The following NFAT5 variants were observed in gnomAD, a reference collection of about 807,000 sequenced individuals.
NFAT5 encodes nuclear factor of activated T cells 5.
A neutral mutation model predicts 166.5 loss-of-function variants in NFAT5; 31 were observed. That is an observed-to-expected ratio of 0.19 (90% CI 0.14 to 0.25). The LOEUF is 0.25. NFAT5 is among the 10% of genes least tolerant of loss of function. The pLI is 1.00. For synonymous variants in NFAT5, 612 were observed against 639.7 expected (o/e 0.96, Z 0.65); for missense variants, 1,449 against 1,821.8 (o/e 0.80, Z 3.72).
intron 10 of NFAT5, among the ~76,000 whole-genome samples, chr16:69,682,492 C>T (rs1411754398): frequency 6.6e-6 from 1 of 151,294 alleles, no homozygotes; most frequent in Non-Finnish European, 1.5e-5. Context: ...TGGTGGCATG[C>T]ACCTGTAGTC....
At chr16:69,570,245 T>C (rs2016351616) in intron 2 of NFAT5, among the ~76,000 whole-genome samples, 1 of 152,144 alleles carries the variant, frequency 6.6e-6, no homozygotes, top group African/African-American at 2.4e-5. Context: ...CATGTATAAG[T>C]ATCAATTCTG....
intron 7 of NFAT5, among the ~76,000 whole-genome samples, chr16:69,667,666 G>C (rs914310437): frequency 4.6e-5 from 7 of 152,126 alleles, no homozygotes; most frequent in African/African-American, 1.7e-4. Flanking sequence ...AATCAGTGAA[G>C]TGGAATTTCC....
intron 13 of NFAT5, among the ~76,000 whole-genome samples, chr16:69,694,793 CT>C (rs1321875852): frequency 1.3e-5 from 2 of 152,138 alleles, no homozygotes; most frequent in African/African-American, 4.8e-5. Flanking sequence ...CAGATAATAC[CT>C]TACCCAGTTG....
At chr16:69,649,384 A>G (rs1597468484) in intron 4 of NFAT5, 2 of 977,040 alleles carry the variant, frequency 2.0e-6, no homozygotes, top group East Asian at 2.3e-4. Flanking sequence ...AGTGATTTGC[A>G]GTTGCTAATT....
chr16:69,594,354 C>T (rs1309071632), intron 2 of NFAT5, among the ~76,000 whole-genome samples: 1 of 152,194 alleles, frequency 6.6e-6, no homozygotes, highest in Non-Finnish European at 1.5e-5. Flanking sequence ...GACGAGGTAA[C>T]ACGTGGCATG....
intron 2 of NFAT5, among the ~76,000 whole-genome samples, chr16:69,606,468 C>G (rs1246128913): frequency 2.6e-5 from 4 of 151,270 alleles, no homozygotes; most frequent in African/African-American, 9.7e-5. Context: ...TAAATGTTGG[C>G]AATTAATTTT....
intron 6 of NFAT5, among the ~76,000 whole-genome samples, chr16:69,658,557 C>T (rs2035990762): frequency 1.3e-5 from 2 of 151,740 alleles, no homozygotes; most frequent in Non-Finnish European, 2.9e-5. Context: ...TAACTTGTGG[C>T]CTGGCACAGT....
At chr16:69,685,085 C>A in intron 11 of NFAT5, 115 bp downstream of exon 11, 2 of 464,612 alleles carry the variant, frequency 4.3e-6, no homozygotes, top group Non-Finnish European at 7.7e-6. Context: ...AGGGTATCTT[C>A]ATATTGTAAA....
At chr16:69,633,924 A>G (rs1440325991) in intron 3 of NFAT5, among the ~76,000 whole-genome samples, 1 of 152,150 alleles carries the variant, frequency 6.6e-6, no homozygotes, top group Non-Finnish European at 1.5e-5. Context: ...GTATCAGAAC[A>G]TTATCTACCC....
At chr16:69,684,835 G>A in intron 10 of NFAT5, 52 bp from the exon 11 acceptor site, 1 of 1,192,934 alleles carries the variant, frequency 8.4e-7, no homozygotes, top group Non-Finnish European at 1.2e-6. Flanking sequence ...TAAGATACGA[G>A]GTTTTTAGGA....
chr16:69,602,648 A>G (rs909926219), intron 2 of NFAT5, among the ~76,000 whole-genome samples: 1 of 149,216 alleles, frequency 6.7e-6, no homozygotes, highest in African/African-American at 2.5e-5. Flanking sequence ...TTTCCAGCCT[A>G]GGCTGGAGTG....
intron 10 of NFAT5, among the ~76,000 whole-genome samples, chr16:69,683,836 C>T (rs1435259304): frequency 2.6e-5 from 4 of 151,770 alleles, no homozygotes; most frequent in Non-Finnish European, 5.9e-5. Context: ...CGGTGGCTCA[C>T]GCCTATAATC....
At chr16:69,661,175 C>T (rs567546884) in intron 7 of NFAT5, among the ~76,000 whole-genome samples, 2 of 149,770 alleles carry the variant, frequency 1.3e-5, no homozygotes, top group South Asian at 2.1e-4. Context: ...TGAGACCAGC[C>T]GAGGCTGGTC....
chr16:69,694,411 C>G lies in NFAT5; in HGVS notation c.4414+172C>G, dbSNP rs373500207. Among the ~76,000 whole-genome samples the G allele has an allele frequency of 1.6e-4, 25 of 152,284 alleles. No individual in the cohort carries two copies. The South Asian group carries it at 4.6e-3, about 28-fold the overall frequency. ...CTGGGATTACAGGTGTGCACAACCA[C>G]GCCCAGCTAATTTTTGTATTTTTGT... is the stretch of plus-strand genomic sequence containing the variant. On this transcript the variant is annotated intron_variant, in intron 13 of 14. Coordinates refer to ENST00000349945, the MANE Select transcript of NFAT5 (RefSeq NM_138713.4).
At position 69,693,159 on chromosome 16, in the gene NFAT5, C is replaced by T; in HGVS notation, c.3334C>T (p.His1112Tyr). ...CCAGGAAACTCAAGGTTCTCTCTTT[C>T]ATAGTCCAAATCCTATTGTCCACAG... ...LSQETQGSLFHSPNPIVHSQT... is the reference protein window; with the variant it reads ...LSQETQGSLFYSPNPIVHSQT... Residue 1112 changes from histidine (H) to tyrosine (Y), a missense_variant, in exon 13 of 15, where the codon CAT (histidine) becomes TAT (tyrosine). His to Tyr is a moderately conservative substitution (Grantham distance 83). Coordinates refer to ENST00000349945, the MANE Select transcript of NFAT5 (RefSeq NM_138713.4). The T allele has an allele frequency of 6.2e-7, 1 of 1,614,154 alleles. No individual in the cohort carries two copies. The highest frequency in any genetic ancestry group is 8.5e-7 in the Non-Finnish European group (1 of 1,180,016).
In NFAT5 at chr16:69,692,774, A is replaced by G; in HGVS notation, c.2949A>G (p.Glu983=). The G allele has an allele frequency of 6.2e-7, 1 of 1,614,200 alleles. No homozygotes were observed. Among genetic ancestry groups the G allele is most frequent in the Non-Finnish European group, 8.5e-7 (1 of 1,180,042 alleles). Residue 983 remains glutamate (E), a synonymous_variant, in exon 13 of 15, where the codon GAA becomes GAG. Coordinates refer to ENST00000349945, the MANE Select transcript of NFAT5 (RefSeq NM_138713.4). The part of the protein sequence containing the change: ...FSSPPAVSGN[E]TSTTTTQQVA... ...CTCCTCCTGCAGTTTCTGGAAATGA[A>G]ACTTCTACAACTACCACACAGCAGG...
chr16:69,575,463 T>G (rs1453594884), intron 2 of NFAT5, among the ~76,000 whole-genome samples: 1 of 152,028 alleles, frequency 6.6e-6, no homozygotes, highest in Non-Finnish European at 1.5e-5. Context: ...CCATTGGGCC[T>G]GGCTGATTAT....
At position 69,691,844 on chromosome 16, in the gene NFAT5, A is replaced by C. The variant is rs2037556450; in HGVS notation, c.2019A>C (p.Leu673=). Residue 673 remains leucine, a synonymous_variant, in exon 13 of 15, where the codon CTA becomes CTC. Transcript: ENST00000349945. ...GSFSSPSSSH[L]PSENEKQQQI... is the part of the protein sequence containing the mutation. ...TTTCATCACCATCATCTTCCCACCTACCTTCTGAAAATGAAAAACAGCAGC... is the reference window on the plus strand; with the variant it reads ...TTTCATCACCATCATCTTCCCACCTCCCTTCTGAAAATGAAAAACAGCAGC... 1 of 1,614,110 alleles carries C rather than the reference A, an allele frequency of 6.2e-7. No homozygotes were observed.
intron 3 of NFAT5, among the ~76,000 whole-genome samples, chr16:69,641,646 G>T (rs1360007270): frequency 6.6e-6 from 1 of 151,996 alleles, no homozygotes; most frequent in Non-Finnish European, 1.5e-5. Flanking sequence ...TCCATATAAA[G>T]TATATCTTTT....
Sources: allele counts gnomAD v4.1 joint callset (sites outside exome capture counted in the v4.1 genomes callset), GRCh38; gene constraint gnomAD v4.1.1; transcripts MANE v1.5; gene names NCBI Gene and HGNC (gene_info 2026-07-23, HGNC 2026-07-21).